The following TTC27 variants were observed in gnomAD, a reference collection of about 807,000 sequenced individuals.
The protein encoded by TTC27 is tetratricopeptide repeat protein 27.
TTC27 carries 79 observed loss-of-function variants against 115.9 expected under a neutral mutation model. The observed-to-expected ratio is 0.68, with a 90% CI of 0.57 to 0.82. The LOEUF is 0.82. Among genes scored for constraint, TTC27 ranks in the 40% least tolerant of loss-of-function variants. TTC27 has a pLI of 0.00. For synonymous variants in TTC27, 401 were observed against 356.0 expected (o/e 1.13, Z -1.42); for missense variants, 1,054 against 993.1 (o/e 1.06, Z -0.82).
In TTC27 at chr2:32,787,133, A is replaced by C; in HGVS notation, c.1982A>C (p.Lys661Thr). Residue 661 changes from lysine to threonine, a missense_variant, in exon 16 of 20, where the codon AAA (lysine) becomes ACA (threonine). Coordinates refer to ENST00000317907, the MANE Select transcript of TTC27 (RefSeq NM_017735.5). Reference protein sequence around the residue: ...AYHRLLDLRDKYKDVQVLKIL... With the variant: ...AYHRLLDLRDTYKDVQVLKIL... The stretch of plus-strand genomic sequence containing the variant: ...CACCGGCTCTTGGACTTACGTGACA[A>C]ATACAAAGATGTTCAGGTAGGATAT... 1 of 1,611,824 alleles carries C rather than the reference A, an allele frequency of 6.2e-7. No individual in the cohort carries two copies. The highest frequency in any genetic ancestry group is 8.5e-7 in the Non-Finnish European group (1 of 1,179,500).
At chr2:32,755,193 G>A (rs1301546163) in intron 12 of TTC27, among the ~76,000 whole-genome samples, 2 of 152,214 alleles carry the variant, frequency 1.3e-5, no homozygotes, top group South Asian at 4.1e-4. Context: ...CGGCCGGGCA[G>A]AGGCTGCAAT....
chr2:32,748,602 T>G (rs1271335669), intron 12 of TTC27, among the ~76,000 whole-genome samples: 1 of 152,246 alleles, frequency 6.6e-6, no homozygotes, highest in Non-Finnish European at 1.5e-5. Context: ...TTGGAGTTAT[T>G]TTAGCTGCAC....
intron 16 of TTC27, among the ~76,000 whole-genome samples, chr2:32,802,926 T>G (rs1423778467): frequency 6.6e-6 from 1 of 152,232 alleles, no homozygotes; most frequent in Non-Finnish European, 1.5e-5. Flanking sequence ...TCTATTCAAT[T>G]TGTTTATTTT....
chr2:32,767,370 G>GA (rs1338140938), intron 13 of TTC27, among the ~76,000 whole-genome samples: 11 of 150,962 alleles, frequency 7.3e-5, no homozygotes, highest in Non-Finnish European at 1.5e-4. Flanking sequence ...GATATATTTT[G>GA]TCTTGTTAAA....
chr2:32,800,682 T>A (rs1414676162), intron 16 of TTC27, among the ~76,000 whole-genome samples: 1 of 151,614 alleles, frequency 6.6e-6, no homozygotes, highest in Non-Finnish European at 1.5e-5. Context: ...ATTTTTTTAG[T>A]AGAAATGGGG....
intron 7 of TTC27, among the ~76,000 whole-genome samples, chr2:32,668,000 A>G (rs1389801487): frequency 2.0e-5 from 3 of 151,536 alleles, no homozygotes; most frequent in Admixed American, 6.6e-5. Flanking sequence ...CCTGGCTAAC[A>G]TGGTGAAACC....
intron 15 of TTC27, among the ~76,000 whole-genome samples, chr2:32,785,320 G>T (rs1168362969): frequency 2.0e-5 from 3 of 152,010 alleles, no homozygotes; most frequent in East Asian, 3.9e-4. Flanking sequence ...TTTGATCATA[G>T]AATTTATGAT....
chr2:32,767,453 G>GTTTTTTTTTTTTTTTTTTTTTT (rs397754905), intron 13 of TTC27, among the ~76,000 whole-genome samples: 1 of 114,228 alleles, frequency 8.8e-6, no homozygotes, highest in East Asian at 2.8e-4. Flanking sequence ...GTTTTTTTTT[G>GTTTTTTTTTTTTTTTTTTTTTT]TTTTTTTTTT....
chr2:32,699,551 A>G (rs952587419), intron 9 of TTC27, among the ~76,000 whole-genome samples: 8 of 152,208 alleles, frequency 5.3e-5, no homozygotes, highest in Non-Finnish European at 1.2e-4. Flanking sequence ...CTAATAAGTC[A>G]ATAGAGCTTC....
intron 7 of TTC27, among the ~76,000 whole-genome samples, chr2:32,668,527 T>A (rs1665875934): frequency 7.0e-6 from 1 of 141,998 alleles, no homozygotes; most frequent in Non-Finnish European, 1.5e-5. Flanking sequence ...CTTTTCTTCT[T>A]TCTTCCCTTC....
intron 5 of TTC27, among the ~76,000 whole-genome samples, chr2:32,654,520 A>G (rs1665245040): frequency 6.6e-6 from 1 of 152,108 alleles, no homozygotes; most frequent in Admixed American, 6.6e-5. Flanking sequence ...TTAACAGGGT[A>G]TAGCATTTCA....
intron 10 of TTC27, among the ~76,000 whole-genome samples, chr2:32,717,884 C>T (rs1368124938): frequency 1.3e-5 from 2 of 152,238 alleles, no homozygotes; most frequent in East Asian, 3.9e-4. Flanking sequence ...GTCATGCAGC[C>T]TGGTTTCCGA....
chr2:32,665,592 C>T (rs768868247), intron 6 of TTC27, among the ~76,000 whole-genome samples: 2 of 152,102 alleles, frequency 1.3e-5, no homozygotes, highest in Admixed American at 6.6e-5. Context: ...CATCTATAGC[C>T]TTCCTATAAA....
intron 4 of TTC27, among the ~76,000 whole-genome samples, chr2:32,643,198 G>T (rs986250380): frequency 6.6e-6 from 1 of 152,110 alleles, no homozygotes; most frequent in South Asian, 2.1e-4. Flanking sequence ...TTCGTCTTTT[G>T]AGCTCTTAGT....
At chr2:32,687,959 A>T (rs1666690421) in intron 9 of TTC27, among the ~76,000 whole-genome samples, 1 of 152,226 alleles carries the variant, frequency 6.6e-6, no homozygotes, top group African/African-American at 2.4e-5. Context: ...GACTGAATTG[A>T]TGTTTATGGA....
At chr2:32,634,994 C>T (rs1259832071) in intron 3 of TTC27, among the ~76,000 whole-genome samples, 1 of 152,046 alleles carries the variant, frequency 6.6e-6, no homozygotes, top group Non-Finnish European at 1.5e-5. Context: ...AGAATGGCTC[C>T]CAGGAGTGGT....
chr2:32,790,231 G>GT (rs879307632), intron 16 of TTC27, among the ~76,000 whole-genome samples: 34 of 150,834 alleles, frequency 2.3e-4, no homozygotes, highest in Non-Finnish European at 4.3e-4. Context: ...TCCTGTACCT[G>GT]TTTTTTTCTA....
chr2:32,690,626 C>T (rs182966223), intron 9 of TTC27, among the ~76,000 whole-genome samples: 11 of 152,140 alleles, frequency 7.2e-5, no homozygotes, highest in Admixed American at 5.2e-4. Context: ...GGCAAGGAGA[C>T]GGGAGAATGT....
intron 5 of TTC27, among the ~76,000 whole-genome samples, chr2:32,653,409 C>A (rs539910454): frequency 6.6e-6 from 1 of 152,114 alleles, no homozygotes; most frequent in Admixed American, 6.6e-5. Flanking sequence ...GCCTGGCCAA[C>A]ATGGTGAAAC....
Sources: allele counts gnomAD v4.1 joint callset (sites outside exome capture counted in the v4.1 genomes callset), GRCh38; gene constraint gnomAD v4.1.1; transcripts MANE v1.5; gene names NCBI Gene and HGNC (gene_info 2026-07-23, HGNC 2026-07-21).